CD109: variants seen among roughly 807,000 people sequenced by gnomAD.
CD109 encodes the protein CD109 molecule.
CD109 carries 149 observed loss-of-function variants against 165.8 expected under a neutral mutation model. The observed-to-expected ratio is 0.90, with a 90% confidence interval of 0.79 to 1.03. The LOEUF (loss-of-function observed/expected upper bound fraction) is 1.03, where lower values mean the gene tolerates loss of function less well. CD109 is among the 50% of genes least tolerant of loss of function. CD109 has a pLI of 0.00. For synonymous variants in CD109, 585 were observed against 592.1 expected, an observed-to-expected ratio of 0.99 and a Z score of 0.18; for missense variants, 1,712 against 1,677.8, an observed-to-expected ratio of 1.02 and a Z score of -0.36.
upstream of CD109, chr6:73,696,194 A>G: frequency 6.5e-7 from 1 of 1,543,956 alleles, no homozygotes; most frequent in Non-Finnish European, 8.7e-7. Context: ...AGCGGACTGT[A>G]GCCCAGGCAG....
chr6:73,788,167 G>A (rs1022101926), intron 21 of CD109, among the ~76,000 whole-genome samples: 1 of 152,040 alleles, frequency 6.6e-6, no homozygotes, highest in Non-Finnish European at 1.5e-5. Context: ...TGAAAAACAC[G>A]TTTCAGTTAA....
chr6:73,685,691 C>T, the CD109 span, among the ~76,000 whole-genome samples: 1 of 152,092 alleles, frequency 6.6e-6, no homozygotes, highest in Non-Finnish European at 1.5e-5. Context: ...TCTTTTATCC[C>T]TTACCCTCTG....
chr6:73,799,970 C>A lies in CD109; in HGVS notation c.2879-3250C>A, dbSNP rs1485425602. 4.6e-5 allele frequency among the ~76,000 whole-genome samples: 7 copies of A among 151,560 alleles called. No homozygotes were observed. In the South Asian group the frequency reaches 8.4e-4, roughly 18 times the overall value. On this transcript the variant is annotated intron_variant, in intron 23 of 32. Coordinates refer to ENST00000287097, the MANE Select transcript of CD109 (RefSeq NM_133493.5). ...TTACTGGGCTCAGGTGATTCTCCCA[C>A]TTCAGCCTTCTGAACAGGTGGGACT...
In CD109 at chr6:73,810,990, A is replaced by G. The variant is rs756435057; in HGVS notation, c.3547-2A>G. The G allele has an allele frequency of 1.9e-5, 30 of 1,610,106 alleles. No individual in the cohort carries two copies. The highest frequency in any genetic ancestry group is 2.1e-5 in the Non-Finnish European group (25 of 1,178,420). On this transcript the variant is annotated splice_acceptor_variant, in intron 27 of 32. Transcript: ENST00000287097. LOFTEE classifies it high-confidence loss of function. Reference sequence around the variant, plus strand: ...GTACAAATGTTTTTCTTCCCTCAACAGGATACCACTGTGGCTTTAAAGGCT... The same window carrying G: ...GTACAAATGTTTTTCTTCCCTCAACGGGATACCACTGTGGCTTTAAAGGCT...
chr6:73,709,463 A>G (rs1195258095), intron 2 of CD109, among the ~76,000 whole-genome samples: 3 of 152,238 alleles, frequency 2.0e-5, no homozygotes, highest in African/African-American at 7.2e-5. Flanking sequence ...CTTTTGGCTT[A>G]GGATTGACTT....
chr6:73,720,588 A>G (rs1771911750), intron 2 of CD109, among the ~76,000 whole-genome samples: 1 of 152,224 alleles, frequency 6.6e-6, no homozygotes, highest in Non-Finnish European at 1.5e-5. Context: ...ACCTCATTCC[A>G]TAAGGTATAC....
At chr6:73,729,276 C>T (rs1772254886) in intron 3 of CD109, among the ~76,000 whole-genome samples, 1 of 152,066 alleles carries the variant, frequency 6.6e-6, no homozygotes, top group Non-Finnish European at 1.5e-5. Context: ...TTAGGCTTCA[C>T]CTTTTGAAGG....
In CD109 at chr6:73,811,053, CA is replaced by C; in HGVS notation, c.3611del (p.Asn1204IlefsTer4). On this transcript the variant is annotated frameshift_variant, in exon 28 of 33. Coordinates refer to ENST00000287097, the MANE Select transcript of CD109 (RefSeq NM_133493.5). LOFTEE classifies it high-confidence loss of function. ...EFAALMNTERTNIQVTVTGPS... is the reference protein window; with the variant it reads ...EFAALMNTERXNIQVTVTGPS... ...GCAGCCCTAATGAATACAGAAAGGA[CA>C]AATATCCAAGTGACCGTGACGGGGC... 6.2e-7 allele frequency: 1 copy of C among 1,613,460 alleles called. No individual in the cohort carries two copies. Among genetic ancestry groups the C allele is most frequent in the Middle Eastern group, 1.7e-4 (1 of 6,054 alleles).
chr6:73,791,168 TATATATATACACACAC>T (rs1774936225), intron 22 of CD109, among the ~76,000 whole-genome samples: 2 of 45,550 alleles, frequency 4.4e-5, no homozygotes, highest in African/African-American at 1.8e-4. Flanking sequence ...TATATATATA[TATATATATACACACAC>T]ACACATACAT....
intron 19 of CD109, among the ~76,000 whole-genome samples, 164 bp downstream of exon 19, chr6:73,783,988 GAGCTATATAT>G (rs1774599821): frequency 1.3e-5 from 2 of 152,118 alleles, no homozygotes; most frequent in South Asian, 4.1e-4. Context: ...TTAAGAATGT[GAGCTATATAT>G]AGCTATATAA....
chr6:73,771,418 C>G lies in CD109; in HGVS notation c.1675-11C>G. On this transcript the variant is annotated splice_polypyrimidine_tract_variant and intron_variant, in intron 14 of 32. Coordinates refer to ENST00000287097, the MANE Select transcript of CD109 (RefSeq NM_133493.5). ...GTGAAATAAGTTAATCCTCCTTTCTCTCTTTTTTAGATAAAGCTATATTGG... is the reference window on the plus strand; with the variant it reads ...GTGAAATAAGTTAATCCTCCTTTCTGTCTTTTTTAGATAAAGCTATATTGG... 1 of 1,595,996 alleles carries G rather than the reference C, an allele frequency of 6.3e-7. No homozygotes were observed. Among genetic ancestry groups the G allele is most frequent in the Non-Finnish European group, 8.5e-7 (1 of 1,173,592 alleles).
chr6:73,687,357 T>C, the CD109 span, among the ~76,000 whole-genome samples: 1 of 152,004 alleles, frequency 6.6e-6, no homozygotes, highest in African/African-American at 2.4e-5. Context: ...CCCTTCAGTC[T>C]TTCTTTCCTT....
At chr6:73,723,587 T>C (rs1369968371) in intron 3 of CD109, among the ~76,000 whole-genome samples, 1 of 152,222 alleles carries the variant, frequency 6.6e-6, no homozygotes, top group African/African-American at 2.4e-5. Context: ...CCATGTCCTT[T>C]GCAGGAACAT....
intron 5 of CD109, among the ~76,000 whole-genome samples, chr6:73,741,261 T>C (rs2150194324): frequency 6.6e-6 from 1 of 152,336 alleles, no homozygotes; most frequent in East Asian, 1.9e-4. Flanking sequence ...CTAGTGTGAA[T>C]AGTTCTTTGC....
intron 15 of CD109, among the ~76,000 whole-genome samples, chr6:73,778,500 A>T (rs1774349017): frequency 6.6e-6 from 1 of 152,128 alleles, no homozygotes; most frequent in Non-Finnish European, 1.5e-5. Context: ...CACTGTTTAG[A>T]TGCTGCTTCT....
intron 5 of CD109, among the ~76,000 whole-genome samples, chr6:73,744,114 T>C (rs1213039711): frequency 6.6e-6 from 1 of 152,230 alleles, no homozygotes; most frequent in African/African-American, 2.4e-5. Flanking sequence ...TGCATTCACA[T>C]TGTGGTGCAA....
chr6:73,784,851 C>T (rs1474346090), intron 19 of CD109, among the ~76,000 whole-genome samples: 1 of 152,068 alleles, frequency 6.6e-6, no homozygotes, highest in African/African-American at 2.4e-5. Flanking sequence ...AGTCAGGAAG[C>T]ACATGTATTC....
In CD109 at chr6:73,723,259, A is replaced by C; in HGVS notation, c.256A>C (p.Lys86Gln). 6.2e-7 allele frequency: 1 copy of C among 1,612,938 alleles called. No individual in the cohort carries two copies. Residue 86 changes from lysine (K) to glutamine (Q), a missense_variant, in exon 3 of 33, where the codon AAG becomes CAG. By Grantham distance (53) the Lys-to-Gln change is moderately conservative. Coordinates refer to ENST00000287097, the MANE Select transcript of CD109 (RefSeq NM_133493.5). ...AEGVFEKGSF[K>Q]TLTLPSLPLN... Reference sequence around the variant, plus strand: ...TCCTGTTTTCCTTGTAGGCTCTTTTAAGACACTTACTCTTCCATCAGTAAG... The same window carrying C: ...TCCTGTTTTCCTTGTAGGCTCTTTTCAGACACTTACTCTTCCATCAGTAAG...
In CD109 at chr6:73,808,266, CT is replaced by C. The variant is rs771321426; in HGVS notation, c.3355+20del. The C allele has an allele frequency of 8.9e-5, 142 of 1,592,792 alleles. No homozygotes were observed. In the African/African-American group the frequency reaches 1.8e-3, roughly 20 times the overall value. ...ACAAGAAGGTAATGTGCTGGGCCCA[CT>C]TGAGGTTGTTATGCTTTATGAAATA... On this transcript the variant is annotated intron_variant, in intron 26 of 32. Transcript: ENST00000287097.
Sources: allele counts gnomAD v4.1 joint callset (sites outside exome capture counted in the v4.1 genomes callset), GRCh38; gene constraint gnomAD v4.1.1; transcripts MANE v1.5; gene names NCBI Gene and HGNC (gene_info 2026-07-23, HGNC 2026-07-21).